ASAH2: variants seen among roughly 807,000 people sequenced by gnomAD.
ASAH2 encodes the protein neutral ceramidase.
A neutral mutation model predicts 82.9 loss-of-function variants in ASAH2; 58 were observed. That is an observed-to-expected ratio of 0.70 (90% CI 0.57 to 0.87). The LOEUF is 0.87. Ranked by LOEUF, ASAH2 falls within the 40% of genes least tolerant of loss-of-function variation. ASAH2 has a pLI of 0.00. For missense variants in ASAH2, 779 were observed against 834.0 expected, an observed-to-expected ratio of 0.93 and a Z score of 0.81; for synonymous variants, 276 against 289.7, an observed-to-expected ratio of 0.95 and a Z score of 0.48.
chr10:50,241,867 C>T (rs550018640), intron 4 of ASAH2, among the ~76,000 whole-genome samples: 1 of 152,136 alleles, frequency 6.6e-6, no homozygotes, highest in Non-Finnish European at 1.5e-5. Context: ...GGGAGAACAT[C>T]ACACACTGGG....
intron 18 of ASAH2, among the ~76,000 whole-genome samples, chr10:50,195,186 A>C (rs1220737198): frequency 6.6e-6 from 1 of 151,764 alleles, no homozygotes; most frequent in Non-Finnish European, 1.5e-5. Context: ...GTACTCAAAC[A>C]ACTCTATAGC....
intron 7 of ASAH2, among the ~76,000 whole-genome samples, chr10:50,232,520 C>T (rs1846046200): frequency 6.6e-6 from 1 of 152,140 alleles, no homozygotes; most frequent in African/African-American, 2.4e-5. Flanking sequence ...GTTACCCACC[C>T]AGTCAATTCC....
chr10:50,241,473 T>A (rs1466891887), intron 4 of ASAH2, among the ~76,000 whole-genome samples: 1 of 152,186 alleles, frequency 6.6e-6, no homozygotes, highest in East Asian at 1.9e-4. Context: ...GTGTGTCCCC[T>A]GAAGTGACAC....
At chr10:50,225,449 G>T (rs976872120) in intron 7 of ASAH2, among the ~76,000 whole-genome samples, 1 of 152,058 alleles carries the variant, frequency 6.6e-6, no homozygotes, top group Non-Finnish European at 1.5e-5. Context: ...AAAAATCCTT[G>T]CACATTACAT....
intron 7 of ASAH2, among the ~76,000 whole-genome samples, chr10:50,228,230 A>G (rs1277597214): frequency 1.3e-5 from 2 of 152,314 alleles, no homozygotes; most frequent in East Asian, 3.9e-4. Flanking sequence ...AATTCATGCT[A>G]ATGATAGAGA....
chr10:50,200,721 G>T (rs2133199122), intron 16 of ASAH2, among the ~76,000 whole-genome samples: 1 of 152,152 alleles, frequency 6.6e-6, no homozygotes, highest in South Asian at 2.1e-4. Context: ...CCAGAAAGTG[G>T]CTAGCACAGT....
chr10:50,248,391 C>T, intron 2 of ASAH2, 93 bp downstream of exon 2: 1 of 1,464,988 alleles, frequency 6.8e-7, no homozygotes, highest in Non-Finnish European at 9.3e-7. Context: ...GTAGAACTAT[C>T]AGCAGACACT....
At chr10:50,217,892 A>G (rs1845647186) in intron 8 of ASAH2, among the ~76,000 whole-genome samples, 1 of 152,180 alleles carries the variant, frequency 6.6e-6, no homozygotes, top group Non-Finnish European at 1.5e-5. Flanking sequence ...TGGGAGGCCG[A>G]GGTGGGCAGA....
intron 9 of ASAH2, among the ~76,000 whole-genome samples, chr10:50,214,237 T>C (rs559780021): frequency 0.012 from 1,802 of 152,290 alleles, 35 homozygotes; most frequent in African/African-American, 0.038. Context: ...GAGCAAAGTA[T>C]AGAGGAAAGG....
chr10:50,243,107 A>C, intron 4 of ASAH2, 95 bp downstream of exon 4: 3 of 1,426,442 alleles, frequency 2.1e-6, no homozygotes, highest in Admixed American at 3.6e-5. Context: ...ATTTCACTGA[A>C]TGAGAAACCA....
intron 7 of ASAH2, among the ~76,000 whole-genome samples, chr10:50,223,336 C>T (rs1365972070): frequency 6.6e-6 from 1 of 152,100 alleles, no homozygotes; most frequent in Non-Finnish European, 1.5e-5. Flanking sequence ...GCCTCCATGT[C>T]CAGTGTGCAA....
At chr10:50,235,307 G>A (rs1477788303) in intron 5 of ASAH2, among the ~76,000 whole-genome samples, 2 of 151,920 alleles carry the variant, frequency 1.3e-5, no homozygotes, top group African/African-American at 2.4e-5. Context: ...ATAAAATGAA[G>A]CAAAACATTA....
chr10:50,234,196 C>T (rs1247122037), intron 6 of ASAH2, among the ~76,000 whole-genome samples: 2 of 152,022 alleles, frequency 1.3e-5, no homozygotes, highest in African/African-American at 4.8e-5. Context: ...CATCCACACT[C>T]GCTCCCATAA....
At chr10:50,245,558 T>C in intron 2 of ASAH2, 104 bp from the exon 3 acceptor site, 1 of 1,043,352 alleles carries the variant, frequency 9.6e-7, no homozygotes, top group Non-Finnish European at 1.4e-6. Flanking sequence ...GAAAACTCTT[T>C]ATATATTTTC....
chr10:50,221,873 G>A (rs1845759037), intron 7 of ASAH2, among the ~76,000 whole-genome samples: 1 of 152,072 alleles, frequency 6.6e-6, no homozygotes, highest in Admixed American at 6.6e-5. Flanking sequence ...AGATAAATGA[G>A]GTATCATCTT....
rs1846151336 is a variant in ASAH2 at position 50,236,024 on chromosome 10, C to T, written c.551G>A (p.Arg184Lys). 1.2e-6 allele frequency: 2 copies of T among 1,613,298 alleles called. No homozygotes were observed. The highest frequency in any genetic ancestry group is 1.7e-6 in the Non-Finnish European group (2 of 1,179,430). ...GCCACTCAGGATGACATTATCTCTT[C>T]TGTACAGGGAGCCATATTTACTCTG... ...RLQSKYGSLYRRDNVILSGTH... is the reference protein window; with the variant it reads ...RLQSKYGSLYKRDNVILSGTH... Residue 184 changes from arginine to lysine, a missense_variant, in exon 5 of 21, where the codon AGA (arginine) becomes AAA (lysine). Arg to Lys is a conservative substitution (Grantham distance 26, BLOSUM62 2). Coordinates refer to ENST00000682911, the MANE Select transcript of ASAH2 (RefSeq NM_019893.4).
chr10:50,219,397 A>G (rs1158356478), intron 7 of ASAH2, among the ~76,000 whole-genome samples: 1 of 152,156 alleles, frequency 6.6e-6, no homozygotes, highest in African/African-American at 2.4e-5. Flanking sequence ...ATAATGGTCC[A>G]CTGTTCACAG....
rs1013154062 is a variant in ASAH2, at chr10:50,208,845, A to G, written c.1414+1978T>C. 2.6e-5 allele frequency among the ~76,000 whole-genome samples: 4 copies of G among 152,292 alleles called. No individual in the cohort carries two copies. The South Asian group carries it at 8.3e-4, about 32-fold the overall frequency. ...TCCTGTGGAATCTCAAGAAATTCAG[A>G]AGTCAAAACAATCTTGGAAGAGGAG... On this transcript the variant is annotated intron_variant, in intron 12 of 20. Transcript: ENST00000682911.
At chr10:50,221,655 G>GTC (rs1173814089) in intron 7 of ASAH2, among the ~76,000 whole-genome samples, 3 of 149,604 alleles carry the variant, frequency 2.0e-5, no homozygotes, top group African/African-American at 5.1e-5. Flanking sequence ...GTGTGTGTGT[G>GTC]TGTGTATAGA....
Sources: allele counts gnomAD v4.1 joint callset (sites outside exome capture counted in the v4.1 genomes callset), GRCh38; gene constraint gnomAD v4.1.1; transcripts MANE v1.5; gene names NCBI Gene and HGNC (gene_info 2026-07-23, HGNC 2026-07-21).